Variants in PCDHB11 observed in about 807,000 individuals in gnomAD.
PCDHB11 encodes the protein protocadherin beta 11, also known as protocadherin beta-11.
For synonymous variants in PCDHB11, 522 were observed against 442.0 expected (o/e 1.18, Z -2.27); for missense variants, 1,151 against 1,003.4 (o/e 1.15, Z -1.99).
Position 141,199,851 on chromosome 5 carries a change from C to T in PCDHB11, c.77C>T (p.Ala26Val). The change falls in exon 1 of 1, where the codon GCG becomes GTG. Residue 26 changes from alanine to valine, a missense_variant. By Grantham distance (64) the Ala-to-Val change is moderately conservative. Transcript: ENST00000354757. ...TTTGTTTTGCTCGGAATGTCTCAGGCGGGCTCTGAAACCTGGAGCTTTTCT... is the reference window on the plus strand; with the variant it reads ...TTTGTTTTGCTCGGAATGTCTCAGGTGGGCTCTGAAACCTGGAGCTTTTCT... Reference protein sequence around the residue: ...LLFVLLGMSQAGSETWSFSVA... With the variant: ...LLFVLLGMSQVGSETWSFSVA... 1 of 1,614,162 alleles carries T rather than the reference C, an allele frequency of 6.2e-7. No individual in the cohort carries two copies. Among genetic ancestry groups the T allele is most frequent in the Non-Finnish European group, 8.5e-7 (1 of 1,180,034 alleles).
At position 141,201,589 on chromosome 5, in the gene PCDHB11, G is replaced by C. The variant is rs782799880; in HGVS notation, c.1815G>C (p.Gln605His). 5.6e-6 allele frequency: 9 copies of C among 1,608,162 alleles called. No individual in the cohort carries two copies. The highest frequency in any genetic ancestry group is 6.8e-6 in the Non-Finnish European group (8 of 1,179,208). ...DSGQNAWLSY[Q>H]LLKATEPGLF... ...GCCAGAACGCCTGGCTGTCGTACCA[G>C]CTGCTCAAGGCCACGGAGCCCGGGC... Residue 605 changes from glutamine to histidine, a missense_variant, in exon 1 of 1, where the codon CAG (glutamine) becomes CAC (histidine). Coordinates refer to ENST00000354757, the MANE Select transcript of PCDHB11 (RefSeq NM_018931.3).
chr5:141,200,389 C>G lies in PCDHB11; in HGVS notation c.615C>G (p.Leu205=), dbSNP rs782097353. ...VLDKALDYEE[L]PELSFILSAL... ...ACAAGGCGCTGGATTATGAAGAGCT[C>G]CCGGAGCTCAGTTTCATCCTCTCTG... Residue 205 remains leucine (L), a synonymous_variant, in exon 1 of 1, where the codon CTC becomes CTG. Coordinates refer to ENST00000354757, the MANE Select transcript of PCDHB11 (RefSeq NM_018931.3). 16 of 1,614,026 alleles carry G rather than the reference C, an allele frequency of 9.9e-6. No individual in the cohort carries two copies. The highest frequency in any genetic ancestry group is 1.4e-5 in the Non-Finnish European group (16 of 1,180,022).
In PCDHB11 at chr5:141,199,913, A is replaced by C. The variant is rs782486809; in HGVS notation, c.139A>C (p.Asn47His). The change falls in exon 1 of 1, where the codon AAT becomes CAT. Residue 47 changes from asparagine to histidine, a missense_variant. By Grantham distance (68) the Asn-to-His change is moderately conservative (BLOSUM62 1). Transcript: ENST00000354757. ...EEMQSGSFVG[N>H]LAKDLGLKVR... ...AATGCAGAGCGGGAGTTTTGTAGGC[A>C]ATCTGGCAAAGGACCTGGGGCTGAA... 13 of 1,614,114 alleles carry C rather than the reference A, an allele frequency of 8.1e-6. No individual in the cohort carries two copies. Among genetic ancestry groups the C allele is most frequent in the Non-Finnish European group, 8.5e-6 (10 of 1,180,034 alleles).
chr5:141,201,800 G>A lies in PCDHB11; in HGVS notation c.2026G>A (p.Ala676Thr). Residue 676 changes from alanine to threonine, a missense_variant, in exon 1 of 1, where the codon GCG (alanine) becomes ACG (threonine). Transcript: ENST00000354757. ...FSQPYLPLPE[A>T]APAQAQADSL... is the part of the protein sequence containing the mutation. ...CCAGCCCTACCTGCCGCTCCCTGAG[G>A]CGGCACCGGCCCAGGCCCAGGCCGA... 2 of 1,610,314 alleles carry A rather than the reference G, an allele frequency of 1.2e-6. No homozygotes were observed. The highest frequency in any genetic ancestry group is 1.7e-6 in the Non-Finnish European group (2 of 1,179,788).
chr5:141,200,947 C>A lies in PCDHB11; in HGVS notation c.1173C>A (p.Phe391Leu), dbSNP rs1321001072. The A allele has an allele frequency of 2.5e-6, 4 of 1,614,156 alleles. No homozygotes were observed. In the Admixed American group the frequency reaches 6.7e-5, roughly 27 times the overall value. The change falls in exon 1 of 1, where the codon TTC becomes TTA. Residue 391 changes from phenylalanine (F) to leucine (L), a missense_variant. By Grantham distance (22) the Phe-to-Leu change is conservative. Transcript: ENST00000354757. The stretch of plus-strand genomic sequence containing the variant: ...GTTCCATTCCGGAAGACCTCCCATT[C>A]GTGCTAAAATCTTCAGTTGAGAATT... ...IVCSIPEDLP[F>L]VLKSSVENYY...
chr5:141,201,919 G>A lies in PCDHB11; in HGVS notation c.2145G>A (p.Arg715=), dbSNP rs782496583. 8 of 1,612,844 alleles carry A rather than the reference G, an allele frequency of 5.0e-6. No individual in the cohort carries two copies. The African/African-American group carries it at 5.3e-5, about 11-fold the overall frequency. ...TGTTCGTGGCGGTGCGGCTGTGCAG[G>A]AGGAGCAGGGCGGCCTCGGTGGGAA... ...VLLFVAVRLC[R]RSRAASVGSC... is the part of the protein sequence containing the mutation. The change falls in exon 1 of 1, where the codon AGG becomes AGA. Residue 715 remains arginine, a synonymous_variant. Coordinates refer to ENST00000354757, the MANE Select transcript of PCDHB11 (RefSeq NM_018931.3).
Position 141,202,098 on chromosome 5 carries a change from A to C in PCDHB11, c.2324A>C (p.Gln775Pro). Reference protein sequence around the residue: ...KFLKPVIPNIQAKGLGKNSEE... With the variant: ...KFLKPVIPNIPAKGLGKNSEE... ...CTAAAACCGGTTATCCCTAATATCC[A>C]GGCAAAAGGTCTTGGGAAGAATAGT... Residue 775 changes from glutamine to proline, a missense_variant, in exon 1 of 1, where the codon CAG becomes CCG. Transcript: ENST00000354757. The C allele has an allele frequency of 6.2e-7, 1 of 1,614,194 alleles. No individual in the cohort carries two copies. Among genetic ancestry groups the C allele is most frequent in the Non-Finnish European group, 8.5e-7 (1 of 1,180,032 alleles).
rs1554285477 is a variant in PCDHB11 at position 141,201,048 on chromosome 5, A to G, written c.1274A>G (p.Asp425Gly). Residue 425 changes from aspartate to glycine, a missense_variant, in exon 1 of 1, where the codon GAC becomes GGC. Transcript: ENST00000354757. ...AEYNITITVT[D>G]LGIPRLKTEH... ...TACAATATCACCATCACCGTCACCG[A>G]CTTGGGGATACCCAGGCTGAAAACC... The G allele has an allele frequency of 6.2e-7, 1 of 1,614,188 alleles. No individual in the cohort carries two copies. The highest frequency in any genetic ancestry group is 8.5e-7 in the Non-Finnish European group (1 of 1,180,040).
rs199843579 is a variant in PCDHB11, at chr5:141,200,424, G to A, written c.650G>A (p.Gly217Asp). 3.0e-5 allele frequency: 48 copies of A among 1,614,032 alleles called. No individual in the cohort carries two copies. The highest frequency in any genetic ancestry group is 2.3e-4 in the Admixed American group (14 of 59,994). ...AGTTTCATCCTCTCTGCTCTGGATG[G>A]TGGGTCCCCTCCCAGGTCTGGAACT... ...ELSFILSALDGGSPPRSGTAL... is the reference protein window; with the variant it reads ...ELSFILSALDDGSPPRSGTAL... The change falls in exon 1 of 1, where the codon GGT (glycine) becomes GAT (aspartate). Residue 217 changes from glycine (G) to aspartate (D), a missense_variant. Coordinates refer to ENST00000354757, the MANE Select transcript of PCDHB11 (RefSeq NM_018931.3).
chr5:141,201,913 G>A lies in PCDHB11; in HGVS notation c.2139G>A (p.Leu713=). ...TGCTCCTGTTCGTGGCGGTGCGGCT[G>A]TGCAGGAGGAGCAGGGCGGCCTCGG... ...FSVLLFVAVR[L]CRRSRAASVG... is the part of the protein sequence containing the mutation. Residue 713 remains leucine, a synonymous_variant, in exon 1 of 1, where the codon CTG becomes CTA. Coordinates refer to ENST00000354757, the MANE Select transcript of PCDHB11 (RefSeq NM_018931.3). 6.2e-7 allele frequency: 1 copy of A among 1,612,838 alleles called. No homozygotes were observed. The highest frequency in any genetic ancestry group is 1.7e-5 in the Admixed American group (1 of 60,000).
Position 141,201,391 on chromosome 5 carries a change from G to T in PCDHB11, c.1617G>T (p.Pro539=), listed in dbSNP as rs782156207. 3.7e-6 allele frequency: 6 copies of T among 1,612,374 alleles called. No individual in the cohort carries two copies. In the East Asian group the frequency reaches 1.3e-4, roughly 36 times the overall value. The part of the protein sequence containing the change: ...FRVGATDRGS[P]ALSSEALVRV... Reference sequence around the variant, plus strand: ...TGGGCGCCACAGACCGCGGCTCCCCGGCTTTGAGCAGCGAGGCGCTGGTGC... The same window carrying T: ...TGGGCGCCACAGACCGCGGCTCCCCTGCTTTGAGCAGCGAGGCGCTGGTGC... The change falls in exon 1 of 1, where the codon CCG becomes CCT. Residue 539 remains proline, a synonymous_variant. Transcript: ENST00000354757.
rs193119836 is a variant in PCDHB11 at position 141,203,532 on chromosome 5, G to C, written c.*1364G>C. 8 of 152,016 alleles carry C rather than the reference G, an allele frequency of 5.3e-5. No individual in the cohort carries two copies. The highest frequency in any genetic ancestry group is 1.7e-4 in the African/African-American group (7 of 41,394). The allele number at this position is 152,016 out of a possible 1,614,324, so 9.4% of individuals were successfully genotyped here. On this transcript the variant is annotated 3_prime_UTR_variant, in exon 1 of 1. Transcript: ENST00000354757. ...CCACATCATCTAGTTCTAAATCACAGCATTTAAAGAGAAACATTTCATTAT... is the reference window on the plus strand; with the variant it reads ...CCACATCATCTAGTTCTAAATCACACCATTTAAAGAGAAACATTTCATTAT...
rs782204706 is a variant in PCDHB11, at chr5:141,200,151, TA to T, written c.380del (p.Asn127MetfsTer14). 3.0e-5 allele frequency: 49 copies of T among 1,613,992 alleles called. No individual in the cohort carries two copies. Among genetic ancestry groups the T allele is most frequent in the Non-Finnish European group, 3.9e-5 (46 of 1,180,032 alleles). Reference sequence around the variant, plus strand: ...CAAATTGAGCTTCAGGTCAGGGATATAAATGATCACTCTCCCATCTTCTCGG... The same window carrying T: ...CAAATTGAGCTTCAGGTCAGGGATATAATGATCACTCTCCCATCTTCTCGG... ...FLQIELQVRD[I>X]NDHSPIFSEK... On this transcript the variant is annotated frameshift_variant, in exon 1 of 1. Coordinates refer to ENST00000354757, the MANE Select transcript of PCDHB11 (RefSeq NM_018931.3). LOFTEE classifies it low-confidence loss of function (END_TRUNC).
At position 141,200,565 on chromosome 5, in the gene PCDHB11, T is replaced by G; in HGVS notation, c.791T>G (p.Val264Gly). 1.9e-6 allele frequency: 3 copies of G among 1,614,204 alleles called. No individual in the cohort carries two copies. Among genetic ancestry groups the G allele is most frequent in the Middle Eastern group, 1.6e-4 (1 of 6,062 alleles). ...ATCCTTGGCTCGCTGATTTTGATTG[T>G]CTCAGCTTGGGATTTAGACTCTGGA... Reference protein sequence around the residue: ...NSILGSLILIVSAWDLDSGTN... With the variant: ...NSILGSLILIGSAWDLDSGTN... Residue 264 changes from valine to glycine, a missense_variant, in exon 1 of 1, where the codon GTC becomes GGC. Coordinates refer to ENST00000354757, the MANE Select transcript of PCDHB11 (RefSeq NM_018931.3).
chr5:141,199,748 C>T lies in PCDHB11; in HGVS notation c.-27C>T, dbSNP rs1398446033. The stretch of plus-strand genomic sequence containing the variant: ...CGCGTTCCGCAGAGCTGAAGCCTTT[C>T]TTCAAGAAGCCTACAAGAAAGGAAC... On this transcript the variant is annotated 5_prime_UTR_variant, in exon 1 of 1. Transcript: ENST00000354757. 40 of 1,596,908 alleles carry T rather than the reference C, an allele frequency of 2.5e-5. No individual in the cohort carries two copies. The highest frequency in any genetic ancestry group is 3.3e-5 in the Non-Finnish European group (39 of 1,169,210).
At position 141,201,356 on chromosome 5, in the gene PCDHB11, G is replaced by A. The variant is rs566964968; in HGVS notation, c.1582G>A (p.Asp528Asn). 6.2e-7 allele frequency: 1 copy of A among 1,613,126 alleles called. No individual in the cohort carries two copies. The highest frequency in any genetic ancestry group is 8.5e-7 in the Non-Finnish European group (1 of 1,179,888). ...GGACTACGAGGCCCTGCAGGCTTTC[G>A]ACTTCCGCGTGGGCGCCACAGACCG... is the stretch of plus-strand genomic sequence containing the variant. The part of the protein sequence containing the change: ...SLDYEALQAF[D>N]FRVGATDRGS... Residue 528 changes from aspartate (D) to asparagine (N), a missense_variant, in exon 1 of 1, where the codon GAC becomes AAC. Transcript: ENST00000354757.
In PCDHB11 at chr5:141,201,388, C is replaced by T. The variant is rs782008026; in HGVS notation, c.1614C>T (p.Ser538=). ...DFRVGATDRG[S]PALSSEALVR... ...GCGTGGGCGCCACAGACCGCGGCTC[C>T]CCGGCTTTGAGCAGCGAGGCGCTGG... The change falls in exon 1 of 1, where the codon TCC becomes TCT. Residue 538 remains serine (S), a synonymous_variant. Coordinates refer to ENST00000354757, the MANE Select transcript of PCDHB11 (RefSeq NM_018931.3). 6 of 1,612,360 alleles carry T rather than the reference C, an allele frequency of 3.7e-6. No individual in the cohort carries two copies. Among genetic ancestry groups the T allele is most frequent in the Non-Finnish European group, 4.2e-6 (5 of 1,179,860 alleles).
In PCDHB11 at chr5:141,201,983, G is replaced by A; in HGVS notation, c.2209G>A (p.Val737Met). 1 of 1,614,206 alleles carries A rather than the reference G, an allele frequency of 6.2e-7. No individual in the cohort carries two copies. The highest frequency in any genetic ancestry group is 8.5e-7 in the Non-Finnish European group (1 of 1,180,026). ...TAAGGGCCCCTTTCCAGGGCATCTG[G>A]TGGACGTGAGCGGCACCGGGACCCT... ...VPKGPFPGHL[V>M]DVSGTGTLSQ... The change falls in exon 1 of 1, where the codon GTG becomes ATG. Residue 737 changes from valine to methionine, a missense_variant. By Grantham distance (21) the Val-to-Met change is conservative (BLOSUM62 1). Coordinates refer to ENST00000354757, the MANE Select transcript of PCDHB11 (RefSeq NM_018931.3).
In PCDHB11 at chr5:141,202,294, T is replaced by TC; in HGVS notation, c.*131dup. The TC allele has an allele frequency of 1.1e-6, 1 of 922,172 alleles. No homozygotes were observed. Among genetic ancestry groups the TC allele is most frequent in the Non-Finnish European group, 1.5e-6 (1 of 652,152 alleles). The allele number at this position is 922,172 out of a possible 1,614,324, so 57.1% of individuals were successfully genotyped here. ...ATTGTATTTTTAATTTTTTCTTTTC[T>TC]CCCCCAATTTTTTTTTTTTTTTTGA... On this transcript the variant is annotated 3_prime_UTR_variant, in exon 1 of 1. Coordinates refer to ENST00000354757, the MANE Select transcript of PCDHB11 (RefSeq NM_018931.3).
Sources: allele counts gnomAD v4.1 joint callset, GRCh38; gene constraint gnomAD v4.1.1; transcripts MANE v1.5; gene names NCBI Gene and HGNC (gene_info 2026-07-23, HGNC 2026-07-21).